Variants in GNAT3 observed in about 807,000 individuals in gnomAD.
GNAT3 encodes the protein G protein subunit alpha transducin 3, also known as guanine nucleotide-binding protein G(t) subunit alpha-3.
In GNAT3, 31 loss-of-function variants were observed where a neutral mutation model predicts 37.7. The observed-to-expected ratio is 0.82, with a 90% CI of 0.62 to 1.11. The LOEUF (loss-of-function observed/expected upper bound fraction) is 1.11. Ranked by LOEUF, GNAT3 falls within the 50% of genes most tolerant of loss-of-function variation. GNAT3 has a pLI of 0.00. For missense variants in GNAT3, 437 were observed against 412.5 expected, an observed-to-expected ratio of 1.06 and a Z score of -0.51; for synonymous variants, 138 against 139.8, an observed-to-expected ratio of 0.99 and a Z score of 0.09.
intron 1 of GNAT3, among the ~76,000 whole-genome samples, chr7:80,509,551 GCT>G (rs1791016328): frequency 1.3e-5 from 2 of 151,972 alleles, no homozygotes; most frequent in South Asian, 4.2e-4. Context: ...TACAAATATT[GCT>G]CTTTCTTCTT....
chr7:80,469,178 T>C (rs961386812), intron 5 of GNAT3, among the ~76,000 whole-genome samples: 4 of 152,172 alleles, frequency 2.6e-5, no homozygotes, highest in Non-Finnish European at 4.4e-5. Context: ...AACCGTAGTT[T>C]CTTTTATATC....
chr7:80,478,798 T>A (rs1449171150), intron 4 of GNAT3, 43 bp downstream of exon 4: 1 of 1,578,610 alleles, frequency 6.3e-7, no homozygotes, highest in Admixed American at 1.7e-5. Flanking sequence ...TTCTTAATTT[T>A]AAATGTTTTA....
intron 7 of GNAT3, 39 bp from the exon 8 acceptor site, chr7:80,458,900 A>T (rs761077999): frequency 4.5e-6 from 6 of 1,327,620 alleles, no homozygotes; most frequent in South Asian, 2.7e-5. Flanking sequence ...AAGATTAATC[A>T]TATGTTACAA....
chr7:80,477,515 G>A (rs1276116376), intron 4 of GNAT3, among the ~76,000 whole-genome samples: 2 of 152,034 alleles, frequency 1.3e-5, no homozygotes, highest in East Asian at 3.9e-4. Context: ...AAAGCAATGT[G>A]CCCTTTGAAA....
At position 80,458,900 on chromosome 7, in the gene GNAT3, A is replaced by C. The variant is rs761077999; in HGVS notation, c.875-39T>G. Reference sequence around the variant, plus strand: ...ATATTTGAAGAAGTAAAGATTAATCATATGTTACAAAGAATAGGCTATAAA... The same window carrying C: ...ATATTTGAAGAAGTAAAGATTAATCCTATGTTACAAAGAATAGGCTATAAA... On this transcript the variant is annotated intron_variant, in intron 7 of 7. Transcript: ENST00000398291. 9.8e-6 allele frequency: 13 copies of C among 1,327,502 alleles called. No individual in the cohort carries two copies. In the South Asian group the frequency reaches 1.6e-4, roughly 17 times the overall value. The allele number at this position is 1,327,502 out of a possible 1,614,324, so 82.2% of individuals were successfully genotyped here.
chr7:80,502,244 G>A (rs1790846620), intron 1 of GNAT3, among the ~76,000 whole-genome samples: 2 of 151,912 alleles, frequency 1.3e-5, no homozygotes, highest in Non-Finnish European at 2.9e-5. Context: ...CTCATCAAGT[G>A]GCATACATTA....
intron 3 of GNAT3, among the ~76,000 whole-genome samples, chr7:80,481,587 A>C (rs1417103249): frequency 1.3e-5 from 2 of 152,212 alleles, no homozygotes; most frequent in African/African-American, 4.8e-5. Flanking sequence ...TAAAAGAATA[A>C]AAGAAAATAA....
chr7:80,471,649 A>G (rs1263372595), intron 5 of GNAT3, among the ~76,000 whole-genome samples: 1 of 152,120 alleles, frequency 6.6e-6, no homozygotes, highest in Non-Finnish European at 1.5e-5. Flanking sequence ...AACAACACTG[A>G]AAACAACACT....
chr7:80,487,347 T>C (rs1209119655), intron 3 of GNAT3, among the ~76,000 whole-genome samples: 2 of 152,124 alleles, frequency 1.3e-5, no homozygotes, highest in Non-Finnish European at 2.9e-5. Flanking sequence ...GCCAGAGAGA[T>C]AGATTGGAGC....
intron 1 of GNAT3, among the ~76,000 whole-genome samples, chr7:80,506,129 T>G (rs2116231268): frequency 6.6e-6 from 1 of 152,338 alleles, no homozygotes; most frequent in South Asian, 2.1e-4. Context: ...CTTATATAAA[T>G]ATTTTTAAAG....
At chr7:80,493,139 T>C (rs1360921690) in intron 2 of GNAT3, among the ~76,000 whole-genome samples, 2 of 152,150 alleles carry the variant, frequency 1.3e-5, no homozygotes, top group African/African-American at 4.8e-5. Context: ...TTTTATTTTT[T>C]ACGCAGCCAA....
At chr7:80,465,893 G>T (rs1394091159) in intron 5 of GNAT3, among the ~76,000 whole-genome samples, 1 of 152,098 alleles carries the variant, frequency 6.6e-6, no homozygotes, top group Non-Finnish European at 1.5e-5. Flanking sequence ...TTTTGGCAAA[G>T]AATTGTGATG....
intron 7 of GNAT3, among the ~76,000 whole-genome samples, 164 bp downstream of exon 7, chr7:80,461,995 G>T (rs1419363950): frequency 2.0e-5 from 3 of 151,966 alleles, no homozygotes; most frequent in Non-Finnish European, 4.4e-5. Context: ...TGTAGAGAGG[G>T]TTCTTCTTTA....
At chr7:80,474,176 G>C in intron 5 of GNAT3, 75 bp downstream of exon 5, 2 of 1,435,882 alleles carry the variant, frequency 1.4e-6, no homozygotes, top group Non-Finnish European at 1.9e-6. Flanking sequence ...ACATGGGCTA[G>C]AGCTTTTCTC....
chr7:80,479,024 A>C lies in GNAT3; in HGVS notation c.304-26T>G, dbSNP rs202152589. On this transcript the variant is annotated intron_variant, in intron 3 of 7. Coordinates refer to ENST00000398291, the MANE Select transcript of GNAT3 (RefSeq NM_001102386.3). ...CTAGAACAATATTTTGGTGAGAATA[A>C]GTATGTATTATTTGGAATCACATAT... The C allele has an allele frequency of 2.7e-6, 4 of 1,500,290 alleles. No individual in the cohort carries two copies. The Admixed American group carries it at 8.7e-5, about 33-fold the overall frequency. 92.9% of individuals were successfully genotyped at this position (1,500,290 alleles called of 1,614,324 possible).
intron 4 of GNAT3, 21 bp downstream of exon 4, chr7:80,478,820 C>T: frequency 6.2e-7 from 1 of 1,608,436 alleles, no homozygotes; most frequent in Non-Finnish European, 8.5e-7. Flanking sequence ...CTCCAATTCC[C>T]CTTAAAGTGA....
rs79721201 is a variant in GNAT3 at position 80,475,361 on chromosome 7, T to TA, written c.462-983dup. Among the ~76,000 whole-genome samples, 1,051 of 121,060 alleles carry TA rather than the reference T, an allele frequency of 8.7e-3. 3 individuals are homozygous for TA. The highest frequency in any genetic ancestry group is 0.017 in the South Asian group (63 of 3,682). 79.4% of individuals were successfully genotyped at this position (121,060 alleles called of 152,430 possible). On this transcript the variant is annotated intron_variant, in intron 4 of 7. Transcript: ENST00000398291. The stretch of plus-strand genomic sequence containing the variant: ...TTGAAACGAGATAATGTCTTCATAC[T>TA]AAAAAAAAAAAAAAAAAGTGTTTTA...
chr7:80,487,798 G>A (rs183074638), intron 3 of GNAT3: 4 of 152,240 alleles, frequency 2.6e-5, no homozygotes, highest in African/African-American at 9.6e-5. Context: ...TCTTCTTGTG[G>A]ATTCTACTCC....
chr7:80,475,449 T>C (rs931742167), intron 4 of GNAT3, among the ~76,000 whole-genome samples: 4 of 152,076 alleles, frequency 2.6e-5, no homozygotes, highest in Admixed American at 6.6e-5. Flanking sequence ...TTTAGTGGCT[T>C]AGCAATATCA....
Sources: gnomAD v4.1 joint callset for allele counts (sites outside exome capture counted in the v4.1 genomes callset) on GRCh38, gnomAD v4.1.1 for gene constraint, MANE v1.5 for transcripts, NCBI Gene and HGNC (gene_info 2026-07-23, HGNC 2026-07-21) for gene names.